Variants in TMCC1 observed in about 807,000 individuals in gnomAD.
TMCC1 encodes transmembrane and coiled-coil domain family 1, also known as transmembrane and coiled-coil domains protein 1.
Under a neutral mutation model 52.4 loss-of-function variants are expected in TMCC1, and 15 were observed. The observed-to-expected ratio is 0.29, with a 90% CI of 0.19 to 0.44. The LOEUF (loss-of-function observed/expected upper bound fraction) is 0.44. TMCC1 is among the 20% of genes least tolerant of loss of function. The probability of loss-of-function intolerance (pLI) is 1.00; values close to 1 mark genes in which losing one functional copy is unlikely to be tolerated. For missense variants in TMCC1, 503 were observed against 806.0 expected, an observed-to-expected ratio of 0.62 and a Z score of 4.55; for synonymous variants, 279 against 301.9, an observed-to-expected ratio of 0.92 and a Z score of 0.79.
At chr3:129,876,474 A>G (rs959903977) in intron 2 of TMCC1, among the ~76,000 whole-genome samples, 1 of 151,964 alleles carries the variant, frequency 6.6e-6, no homozygotes, top group Non-Finnish European at 1.5e-5. Flanking sequence ...GCTAAGGACA[A>G]TTTTTAAAAT....
intron 2 of TMCC1, among the ~76,000 whole-genome samples, chr3:129,859,221 T>G (rs2107925800): frequency 6.6e-6 from 1 of 152,324 alleles, no homozygotes; most frequent in South Asian, 2.1e-4. Flanking sequence ...ACATTCCTTT[T>G]CACTATAGAA....
chr3:129,734,503 T>C (rs1051642998), intron 4 of TMCC1, among the ~76,000 whole-genome samples: 6 of 151,994 alleles, frequency 3.9e-5, no homozygotes, highest in African/African-American at 9.7e-5. Flanking sequence ...CTGGGCAACA[T>C]GGAGAAACCC....
At position 129,651,318 on chromosome 3, in the gene TMCC1, A is replaced by G; in HGVS notation, c.*163T>C. On this transcript the variant is annotated 3_prime_UTR_variant, in exon 7 of 7. Transcript: ENST00000393238. The surrounding 1 kb of genome is among the most constrained non-coding windows in gnomAD (Gnocchi z 5.1). ...TCTTGGATAAAATCTAAAAAATACT[A>G]TTGCAATTGCGTCTCTTGAAGAAAA... 5 of 776,732 alleles carry G rather than the reference A, an allele frequency of 6.4e-6. No individual in the cohort carries two copies. Among genetic ancestry groups the G allele is most frequent in the Non-Finnish European group, 9.9e-6 (5 of 506,212 alleles). The allele number at this position is 776,732 out of a possible 1,614,324, so 48.1% of individuals were successfully genotyped here. A position where few individuals can be genotyped will look rare whatever the true frequency, so the allele number is the denominator to read the frequency against.
rs1271350642 is a variant in TMCC1 at position 129,748,957 on chromosome 3, G to A, written c.577-77693C>T. 5.3e-5 allele frequency among the ~76,000 whole-genome samples: 8 copies of A among 152,144 alleles called. No individual in the cohort carries two copies. In the East Asian group the frequency reaches 1.5e-3, roughly 29 times the overall value. ...CAAGAATCCTTTGAAGCTGGGATGT[G>A]GAGGTTACAGTGAGATGAGATTGCA... On this transcript the variant is annotated intron_variant, in intron 4 of 6. Coordinates refer to ENST00000393238, the MANE Select transcript of TMCC1 (RefSeq NM_001017395.5).
At chr3:129,854,589 A>G (rs1286437000) in intron 2 of TMCC1, among the ~76,000 whole-genome samples, 4 of 152,014 alleles carry the variant, frequency 2.6e-5, no homozygotes, top group Non-Finnish European at 4.4e-5. Context: ...TGTTCAAGCC[A>G]TGCTAGCCTT....
intron 4 of TMCC1, among the ~76,000 whole-genome samples, chr3:129,750,583 T>C (rs1218142805): frequency 6.8e-6 from 1 of 147,224 alleles, no homozygotes; most frequent in Non-Finnish European, 1.5e-5. Flanking sequence ...TTTTTTTTTT[T>C]TTTTTTTTTT....
intron 4 of TMCC1, among the ~76,000 whole-genome samples, chr3:129,695,316 GGTTGTTTT>G (rs2047335885): frequency 1.3e-5 from 2 of 152,064 alleles, no homozygotes; most frequent in Non-Finnish European, 2.9e-5. Flanking sequence ...TCTTTGGCTA[GGTTGTTTT>G]CCAAGTCTTT....
intron 4 of TMCC1, among the ~76,000 whole-genome samples, chr3:129,732,991 C>T (rs1576619060): frequency 6.6e-6 from 1 of 152,118 alleles, no homozygotes; most frequent in African/African-American, 2.4e-5. Flanking sequence ...TGATTTGAAG[C>T]CTGAGGATAT....
At chr3:129,805,191 G>A (rs934923368) in intron 4 of TMCC1, among the ~76,000 whole-genome samples, 1 of 152,134 alleles carries the variant, frequency 6.6e-6, no homozygotes, top group East Asian at 1.9e-4. Flanking sequence ...GAGACAGGGT[G>A]TTGCTCTGTC....
chr3:129,700,826 C>A (rs531248092), intron 4 of TMCC1, among the ~76,000 whole-genome samples: 2 of 152,020 alleles, frequency 1.3e-5, no homozygotes, highest in East Asian at 3.9e-4. Flanking sequence ...ACTGGAAAAG[C>A]AGCTTTGATT....
At chr3:129,715,608 C>T (rs540695037) in intron 4 of TMCC1, among the ~76,000 whole-genome samples, 7 of 152,252 alleles carry the variant, frequency 4.6e-5, no homozygotes, top group African/African-American at 1.7e-4. Context: ...AAATTTAAGT[C>T]CAAGTAAGCC....
At chr3:129,727,845 A>C (rs1413324890) in intron 4 of TMCC1, among the ~76,000 whole-genome samples, 1 of 152,218 alleles carries the variant, frequency 6.6e-6, no homozygotes. Flanking sequence ...CATACTATCA[A>C]CAACTATGCA....
intron 2 of TMCC1, among the ~76,000 whole-genome samples, chr3:129,846,280 G>C (rs1461194210): frequency 6.6e-6 from 1 of 151,932 alleles, no homozygotes; most frequent in African/African-American, 2.4e-5. Flanking sequence ...CAGCTTCTCA[G>C]GAGGCTGAGG....
chr3:129,763,707 T>C (rs2053846073), intron 4 of TMCC1, among the ~76,000 whole-genome samples: 1 of 151,864 alleles, frequency 6.6e-6, no homozygotes, highest in Non-Finnish European at 1.5e-5. Context: ...AATTCTCCCA[T>C]TTTAGCTATG....
chr3:129,883,096 C>G (rs1052424227), intron 1 of TMCC1, among the ~76,000 whole-genome samples: 5 of 151,332 alleles, frequency 3.3e-5, no homozygotes, highest in African/African-American at 1.2e-4. Flanking sequence ...CGAGACCAGC[C>G]TGGCCAACGT....
chr3:129,767,448 C>T (rs2054221596), intron 4 of TMCC1, among the ~76,000 whole-genome samples: 1 of 151,944 alleles, frequency 6.6e-6, no homozygotes, highest in African/African-American at 2.4e-5. Flanking sequence ...TGATAGCTTG[C>T]TGCAGTTTTG....
chr3:129,689,720 G>A (rs923403559), intron 4 of TMCC1, among the ~76,000 whole-genome samples: 4 of 152,102 alleles, frequency 2.6e-5, no homozygotes, highest in South Asian at 2.1e-4. Flanking sequence ...CCCTCTGAAC[G>A]GAATCCAAAG....
intron 4 of TMCC1, among the ~76,000 whole-genome samples, chr3:129,696,594 T>G (rs2047430569): frequency 6.6e-6 from 1 of 152,204 alleles, no homozygotes; most frequent in Non-Finnish European, 1.5e-5. Flanking sequence ...CCGAAAGTCT[T>G]AGCTCATTTC....
intron 4 of TMCC1, among the ~76,000 whole-genome samples, chr3:129,694,898 T>A (rs542763838): frequency 1.3e-5 from 2 of 151,944 alleles, no homozygotes; most frequent in Non-Finnish European, 1.5e-5. Flanking sequence ...TTGTGCGAGA[T>A]CCAAGAACCC....
Sources: gnomAD v4.1 joint callset for allele counts (sites outside exome capture counted in the v4.1 genomes callset) on GRCh38, gnomAD v4.1.1 for gene constraint, Gnocchi (gnomAD v3.1) non-coding constraint, MANE v1.5 for transcripts, NCBI Gene and HGNC (gene_info 2026-07-23, HGNC 2026-07-21) for gene names.